Variants in ELAVL1 observed in about 807,000 individuals in gnomAD.
ELAVL1 encodes the protein ELAV-like protein 1.
In ELAVL1, 1 loss-of-function variant was observed where a neutral mutation model predicts 28.4. That is an observed-to-expected ratio of 0.04 (90% CI 0.01 to 0.17). The LOEUF is 0.17. Ranked by LOEUF, ELAVL1 falls within the 10% of genes least tolerant of loss-of-function variation. The pLI is 1.00. For missense variants in ELAVL1, 157 were observed against 447.2 expected, an observed-to-expected ratio of 0.35 and a Z score of 5.85; for synonymous variants, 174 against 183.5, an observed-to-expected ratio of 0.95 and a Z score of 0.42.
In ELAVL1 at chr19:7,967,669, T is replaced by C; in HGVS notation, c.552A>G (p.Ala184=). The C allele has an allele frequency of 1.2e-6, 2 of 1,614,220 alleles. No homozygotes were observed. The highest frequency in any genetic ancestry group is 8.5e-7 in the Non-Finnish European group (1 of 1,180,042). ...CGTTTTTGTTCTGGTTGGGGTTGGCTGCAAACTTCACTGTGATGGGCTCAG... is the reference window on the plus strand; with the variant it reads ...CGTTTTTGTTCTGGTTGGGGTTGGCCGCAAACTTCACTGTGATGGGCTCAG... ...GSSEPITVKF[A]ANPNQNKNVA... Residue 184 remains alanine (A), a synonymous_variant, in exon 5 of 6, where the codon GCA becomes GCG. Transcript: ENST00000407627.
At chr19:7,967,536 TTTCAG>T in intron 5 of ELAVL1, 24 bp downstream of exon 5, 1 of 1,608,030 alleles carries the variant, frequency 6.2e-7, no homozygotes, top group Non-Finnish European at 8.5e-7. Flanking sequence ...TAAGTATGGC[TTTCAG>T]GAGCGCGCAC....
At chr19:8,003,642 A>C (rs554911935) in intron 1 of ELAVL1, among the ~76,000 whole-genome samples, 1 of 149,302 alleles carries the variant, frequency 6.7e-6, no homozygotes, top group Non-Finnish European at 1.5e-5. Flanking sequence ...CAGTGAGCCG[A>C]GATCGCACCA....
intron 2 of ELAVL1, among the ~76,000 whole-genome samples, chr19:7,988,689 T>C: frequency 6.6e-6 from 1 of 152,208 alleles, no homozygotes; most frequent in Non-Finnish European, 1.5e-5. Context: ...ACCACTGGGA[T>C]GTCACTACTG....
At chr19:7,971,427 TC>T (rs1985108609) in intron 4 of ELAVL1, among the ~76,000 whole-genome samples, 3 of 152,092 alleles carry the variant, frequency 2.0e-5, no homozygotes, top group Admixed American at 1.3e-4. Flanking sequence ...TGAGGTTGGT[TC>T]CCCCGGCCCT....
chr19:7,965,806 G>A (rs773540279), intron 5 of ELAVL1, among the ~76,000 whole-genome samples: 18 of 151,998 alleles, frequency 1.2e-4, no homozygotes, highest in African/African-American at 2.7e-4. Flanking sequence ...CATATAGCCC[G>A]CCCCATCAAG....
intron 2 of ELAVL1, among the ~76,000 whole-genome samples, chr19:7,986,559 C>T (rs145868350): frequency 1.7e-3 from 262 of 152,264 alleles, no homozygotes; most frequent in African/African-American, 6.1e-3. Flanking sequence ...GTGAACTAAG[C>T]GTCCCCTAGA....
At position 7,975,222 on chromosome 19, in the gene ELAVL1, C is replaced by T. The variant is rs548419277; in HGVS notation, c.277-1344G>A. The stretch of plus-strand genomic sequence containing the variant: ...GCCTCCCCTAGTGTCCGGGCTTGCC[C>T]TGGCTCCCTGCAGACCTGTCTGGAC... On this transcript the variant is annotated intron_variant, in intron 3 of 5. Transcript: ENST00000407627. 1.6e-4 allele frequency among the ~76,000 whole-genome samples: 25 copies of T among 152,350 alleles called. No homozygotes were observed. In the South Asian group the frequency reaches 5.2e-3, roughly 32 times the overall value.
chr19:7,991,765 G>A lies in ELAVL1; in HGVS notation c.51C>T (p.Ile17=), dbSNP rs370966971. The A allele has an allele frequency of 2.5e-5, 41 of 1,613,938 alleles. No homozygotes were observed. Among genetic ancestry groups the A allele is most frequent in the Admixed American group, 1.3e-4 (8 of 59,976 alleles). The part of the protein sequence containing the change: ...DHMAEDCRGD[I]GRTNLIVNYL... ...AGTTGACGATCAAATTCGTTCTCCC[G>A]ATGTCACCCCTGCAGTCTTCGGCCA... The change falls in exon 2 of 6, where the codon ATC becomes ATT. Residue 17 remains isoleucine, a synonymous_variant. Coordinates refer to ENST00000407627, the MANE Select transcript of ELAVL1 (RefSeq NM_001419.3).
At chr19:7,970,588 G>GT (rs1395812586) in intron 4 of ELAVL1, among the ~76,000 whole-genome samples, 3 of 151,544 alleles carry the variant, frequency 2.0e-5, no homozygotes, top group Non-Finnish European at 4.4e-5. Context: ...GCCCCCTTGT[G>GT]TTTTTTAGAA....
At position 8,001,108 on chromosome 19, in the gene ELAVL1, C is replaced by T. The variant is rs764112113; in HGVS notation, c.-17+4387G>A. On this transcript the variant is annotated intron_variant, in intron 1 of 5. Transcript: ENST00000407627. ...CAGCTTCCTCCACTGGGGATGTCAC[C>T]CCTTGCTCCACAGTGCCTGGTACAG... 8.5e-5 allele frequency among the ~76,000 whole-genome samples: 13 copies of T among 152,304 alleles called. No homozygotes were observed. In the East Asian group the frequency reaches 1.2e-3, roughly 14 times the overall value.
At position 7,979,962 on chromosome 19, in the gene ELAVL1, G is replaced by A. The variant is rs1000787719; in HGVS notation, c.276+1121C>T. Among the ~76,000 whole-genome samples the A allele has an allele frequency of 3.3e-5, 5 of 152,154 alleles. No homozygotes were observed. Among genetic ancestry groups the A allele is most frequent in the Non-Finnish European group, 5.9e-5 (4 of 68,020 alleles). On this transcript the variant is annotated intron_variant, in intron 3 of 5. Transcript: ENST00000407627. This position sits in a 1 kb window ranked among gnomAD's most constrained non-coding sequence, Gnocchi z 5.4. ...GGCCCACCCTGCAGTGACTCAGGAG[G>A]CCCCCCTGTGACCATGGAATCTATA...
At chr19:7,988,111 G>A (rs938480491) in intron 2 of ELAVL1, among the ~76,000 whole-genome samples, 2 of 152,170 alleles carry the variant, frequency 1.3e-5, no homozygotes, top group African/African-American at 4.8e-5. Context: ...GAAAGGGATG[G>A]ACTGAAGCAA....
chr19:7,973,657 C>T (rs1985187928), intron 4 of ELAVL1, 68 bp downstream of exon 4: 2 of 1,543,760 alleles, frequency 1.3e-6, no homozygotes, highest in Admixed American at 2.0e-5. Context: ...CGGTGATCTG[C>T]CTTCCCTAGA....
rs1346232601 is a variant in ELAVL1 at position 7,982,713 on chromosome 19, T to C, written c.173-1527A>G. Among the ~76,000 whole-genome samples the C allele has an allele frequency of 6.6e-6, 1 of 152,186 alleles. No individual in the cohort carries two copies. The highest frequency in any genetic ancestry group is 1.5e-5 in the Non-Finnish European group (1 of 68,026). ...AGCCGCTTCCTTAGTCTTTCCCTCA[T>C]GTTCTTTCCTGCCCCAGGACCTCAT... is the stretch of plus-strand genomic sequence containing the variant. On this transcript the variant is annotated intron_variant, in intron 2 of 5. Coordinates refer to ENST00000407627, the MANE Select transcript of ELAVL1 (RefSeq NM_001419.3). This position sits in a 1 kb window ranked among gnomAD's most constrained non-coding sequence, Gnocchi z 4.3.
At chr19:7,983,719 G>A (rs921649636) in intron 2 of ELAVL1, among the ~76,000 whole-genome samples, 3 of 152,264 alleles carry the variant, frequency 2.0e-5, no homozygotes, top group Non-Finnish European at 1.5e-5. Flanking sequence ...ATAGGGACTC[G>A]AGCACCAATG....
intron 1 of ELAVL1, among the ~76,000 whole-genome samples, chr19:8,004,442 G>C (rs946595990): frequency 6.6e-6 from 1 of 152,042 alleles, no homozygotes; most frequent in Non-Finnish European, 1.5e-5. Context: ...CCCGCAACCC[G>C]AGCCATCTGG....
chr19:7,980,981 G>C, intron 3 of ELAVL1, 102 bp downstream of exon 3: 1 of 1,182,550 alleles, frequency 8.5e-7, no homozygotes, highest in Admixed American at 1.7e-5. Flanking sequence ...AGGAGCGGCT[G>C]TGCTCATAGT....
intron 1 of ELAVL1, among the ~76,000 whole-genome samples, chr19:7,997,231 C>T (rs977316828): frequency 3.3e-5 from 5 of 152,172 alleles, no homozygotes; most frequent in African/African-American, 1.2e-4. Flanking sequence ...TATATTCACA[C>T]AAAAATCTGT....
At chr19:7,988,560 G>A (rs1004991321) in intron 2 of ELAVL1, among the ~76,000 whole-genome samples, 3 of 152,194 alleles carry the variant, frequency 2.0e-5, no homozygotes, top group Admixed American at 2.0e-4. Context: ...GGAAGGAGGT[G>A]GAGACAGGGA....
Sources: allele counts gnomAD v4.1 joint callset (sites outside exome capture counted in the v4.1 genomes callset), GRCh38; gene constraint gnomAD v4.1.1; non-coding constraint Gnocchi (gnomAD v3.1); transcripts MANE v1.5; gene names NCBI Gene and HGNC (gene_info 2026-07-23, HGNC 2026-07-21).